Variants in INTS6 observed in about 807,000 individuals in gnomAD.
INTS6 encodes integrator complex subunit 6, also known as DEAD box protein.
A neutral mutation model predicts 104.9 loss-of-function variants in INTS6; 16 were observed. That is an observed-to-expected ratio of 0.15 (90% CI 0.10 to 0.23). The LOEUF (loss-of-function observed/expected upper bound fraction) is 0.23, where lower values mean the gene tolerates loss of function less well. INTS6 is among the 10% of genes least tolerant of loss of function. The pLI, the probability that INTS6 is intolerant of heterozygous loss-of-function variation, is 1.00. For synonymous variants in INTS6, 324 were observed against 358.7 expected, an observed-to-expected ratio of 0.90 and a Z score of 1.09; for missense variants, 584 against 1,062.8, an observed-to-expected ratio of 0.55 and a Z score of 6.26.
chr13:51,352,657 T>C (rs1943866522), downstream of INTS6, among the ~76,000 whole-genome samples: 1 of 152,158 alleles, frequency 6.6e-6, no homozygotes, highest in African/African-American at 2.4e-5. Context: ...CATTCTTGTC[T>C]TGTTCCTGAT....
the INTS6 span, among the ~76,000 whole-genome samples, chr13:51,338,596 C>T: frequency 6.6e-6 from 1 of 152,228 alleles, no homozygotes; most frequent in East Asian, 1.9e-4. Flanking sequence ...TCTCTGGGTG[C>T]TATAGAATAA....
intron 3 of INTS6, among the ~76,000 whole-genome samples, chr13:51,433,213 G>A (rs565546321): frequency 1.3e-5 from 2 of 152,130 alleles, no homozygotes; most frequent in Non-Finnish European, 2.9e-5. Flanking sequence ...GGAGGCCAAG[G>A]TACGCGGATC....
the INTS6 span, chr13:51,344,353 GGAA>G: frequency 6.2e-7 from 1 of 1,613,808 alleles, no homozygotes; most frequent in Non-Finnish European, 8.5e-7. Context: ...TGTGCAAGTG[GGAA>G]CGCCACTGTC....
intron 3 of INTS6, chr13:51,355,191 G>GT (rs1955461130): frequency 1.2e-6 from 1 of 801,278 alleles, no homozygotes. Flanking sequence ...ATTTGGGGCA[G>GT]TTTTATCATA....
intron 3 of INTS6, among the ~76,000 whole-genome samples, chr13:51,435,838 TGGA>T (rs1566248008): frequency 2.0e-5 from 3 of 152,004 alleles, no homozygotes; most frequent in African/African-American, 7.2e-5. Context: ...TTTTTAAAGG[TGGA>T]GGAGGTTCAT....
At chr13:51,399,820 G>A (rs958735602) in intron 4 of INTS6, among the ~76,000 whole-genome samples, 1 of 152,036 alleles carries the variant, frequency 6.6e-6, no homozygotes, top group Non-Finnish European at 1.5e-5. Flanking sequence ...ATTTCAACGT[G>A]CTCTTTTGTG....
chr13:51,426,451 T>A (rs887535262), intron 4 of INTS6, among the ~76,000 whole-genome samples: 2 of 152,068 alleles, frequency 1.3e-5, no homozygotes, highest in Admixed American at 6.5e-5. Context: ...AAATCATCCA[T>A]AAGATCCTTG....
At chr13:51,345,060 GAT>G in the INTS6 span, among the ~76,000 whole-genome samples, 2 of 152,200 alleles carry the variant, frequency 1.3e-5, no homozygotes, top group Admixed American at 6.5e-5. Context: ...TATTATGAAA[GAT>G]AATTAAAATC....
Position 51,452,646 on chromosome 13 carries a change from A to C in INTS6, c.-121T>G, listed in dbSNP as rs1231588346. On this transcript the variant is annotated 5_prime_UTR_variant, in exon 1 of 18. Transcript: ENST00000311234. The surrounding 1 kb of genome is among the most constrained non-coding windows in gnomAD (Gnocchi z 4.2). ...GGGGGAGCACGGCCCCCGGGAGGAA[A>C]ACACTGTCTGGGTCTTTCCTCCGGC... 4 of 1,493,312 alleles carry C rather than the reference A, an allele frequency of 2.7e-6. No homozygotes were observed. Among genetic ancestry groups the C allele is most frequent in the Non-Finnish European group, 3.6e-6 (4 of 1,120,560 alleles). The allele number at this position is 1,493,312 out of a possible 1,614,324, so 92.5% of individuals were successfully genotyped here. A position where few individuals can be genotyped will look rare whatever the true frequency, so the allele number is the denominator to read the frequency against.
At chr13:51,418,013 A>G (rs1566237106) in intron 4 of INTS6, among the ~76,000 whole-genome samples, 2 of 152,228 alleles carry the variant, frequency 1.3e-5, no homozygotes, top group Non-Finnish European at 2.9e-5. Context: ...TTACTAAGAC[A>G]TTTTCCTCAC....
At chr13:51,444,505 T>C (rs1187178829) in intron 3 of INTS6, 2 of 151,910 alleles carry the variant, frequency 1.3e-5, no homozygotes, top group African/African-American at 4.8e-5. Flanking sequence ...TCCCAGCACT[T>C]TGGGAGGCCG....
At chr13:51,405,339 G>A (rs1956542507) in intron 4 of INTS6, among the ~76,000 whole-genome samples, 1 of 152,168 alleles carries the variant, frequency 6.6e-6, no homozygotes, top group Admixed American at 6.5e-5. Flanking sequence ...CAGGGAAAAG[G>A]AGTACATGAG....
chr13:51,364,516 T>C lies in INTS6; in HGVS notation c.*1236A>G. On this transcript the variant is annotated 3_prime_UTR_variant, in exon 18 of 18. Coordinates refer to ENST00000311234, the MANE Select transcript of INTS6 (RefSeq NM_012141.3). ...TTCTACTGCTTACCCCCCAAACCACTAAAAGGCACAGCAGTGATCATGAAT... is the reference window on the plus strand; with the variant it reads ...TTCTACTGCTTACCCCCCAAACCACCAAAAGGCACAGCAGTGATCATGAAT... 1 of 421,186 alleles carries C rather than the reference T, an allele frequency of 2.4e-6. No homozygotes were observed. Among genetic ancestry groups the C allele is most frequent in the Non-Finnish European group, 4.2e-6 (1 of 237,216 alleles). The allele number at this position is 421,186 out of a possible 1,614,324, so 26.1% of individuals were successfully genotyped here. A position where few individuals can be genotyped will look rare whatever the true frequency, so the allele number is the denominator to read the frequency against.
downstream of INTS6, among the ~76,000 whole-genome samples, chr13:51,361,038 AC>A (rs1955565937): frequency 6.6e-6 from 1 of 152,076 alleles, no homozygotes; most frequent in African/African-American, 2.4e-5. Flanking sequence ...ACATATTTTA[AC>A]AAATTAAATA....
the INTS6 span, chr13:51,348,713 T>C: frequency 3.6e-5 from 12 of 337,114 alleles, no homozygotes; most frequent in Non-Finnish European, 5.5e-6. Context: ...GATCCAGCCC[T>C]AGGCTGGACC....
intron 2 of INTS6, chr13:51,451,647 T>C (rs1044302919): frequency 3.8e-5 from 6 of 157,236 alleles, no homozygotes; most frequent in Non-Finnish European, 7.0e-5. Flanking sequence ...CCGGCTAACT[T>C]GAATAAATAT....
chr13:51,452,805 T>TC lies in INTS6; in HGVS notation c.-281dup, dbSNP rs1326155772. The stretch of plus-strand genomic sequence containing the variant: ...GCCCAGCCGTCTGTCTGTCGGTTCG[T>TC]CCCCCCCGCCTCGGGGGTCCCGTCC... On this transcript the variant is annotated 5_prime_UTR_variant, in exon 1 of 18. Transcript: ENST00000311234. The surrounding 1 kb of genome is among the most constrained non-coding windows in gnomAD (Gnocchi z 4.2). The TC allele has an allele frequency of 4.4e-5, 51 of 1,166,754 alleles. No individual in the cohort carries two copies. Among genetic ancestry groups the TC allele is most frequent in the East Asian group, 1.4e-4 (2 of 14,204 alleles). 72.3% of individuals were successfully genotyped at this position (1,166,754 alleles called of 1,614,324 possible). A position where few individuals can be genotyped will look rare whatever the true frequency, so the allele number is the denominator to read the frequency against.
At chr13:51,415,152 A>G (rs564039838) in intron 4 of INTS6, among the ~76,000 whole-genome samples, 27 of 152,186 alleles carry the variant, frequency 1.8e-4, no homozygotes, top group African/African-American at 6.5e-4. Context: ...AGGATGTACT[A>G]AATGGCACAG....
chr13:51,448,719 T>TA (rs1952974185), intron 3 of INTS6: 1 of 152,182 alleles, frequency 6.6e-6, no homozygotes, highest in East Asian at 1.9e-4. Flanking sequence ...TTCAGAACAT[T>TA]AAAGTTTTTA....
Sources: allele counts gnomAD v4.1 joint callset (sites outside exome capture counted in the v4.1 genomes callset), GRCh38; gene constraint gnomAD v4.1.1; non-coding constraint Gnocchi (gnomAD v3.1); transcripts MANE v1.5; gene names NCBI Gene and HGNC (gene_info 2026-07-23, HGNC 2026-07-21).